Variants in WDHD1 observed in about 807,000 individuals in gnomAD.
The protein encoded by WDHD1 is WD repeat and HMG-box DNA-binding protein 1.
Under a neutral mutation model 135.4 loss-of-function variants are expected in WDHD1, and 111 were observed. That is an observed-to-expected ratio of 0.82 (90% CI 0.70 to 0.96). The LOEUF (loss-of-function observed/expected upper bound fraction) is 0.96, where lower values mean the gene tolerates loss of function less well. WDHD1 is among the 40% of genes least tolerant of loss of function. The pLI, the probability that WDHD1 is intolerant of heterozygous loss-of-function variation, is 0.00. For missense variants in WDHD1, 1,351 were observed against 1,336.3 expected, an observed-to-expected ratio of 1.01 and a Z score of -0.17; for synonymous variants, 434 against 439.0, an observed-to-expected ratio of 0.99 and a Z score of 0.14.
At chr14:54,980,260 CCTGAAGTGAGA>C (rs997692872) in intron 16 of WDHD1, among the ~76,000 whole-genome samples, 4 of 151,614 alleles carry the variant, frequency 2.6e-5, no homozygotes, top group African/African-American at 9.7e-5. Flanking sequence ...CTGAAGTGAG[CCTGAAGTGAGA>C]CATAATCGGG....
intron 10 of WDHD1, among the ~76,000 whole-genome samples, chr14:55,000,039 C>A (rs888601974): frequency 6.6e-6 from 1 of 152,112 alleles, no homozygotes; most frequent in Non-Finnish European, 1.5e-5. Flanking sequence ...CAATCTGTAA[C>A]CAGAAGTCTA....
chr14:54,998,457 G>C (rs535474765), intron 10 of WDHD1, among the ~76,000 whole-genome samples: 2 of 151,984 alleles, frequency 1.3e-5, no homozygotes, highest in South Asian at 4.2e-4. Context: ...TTCACTTTTT[G>C]TTTTTACCAA....
chr14:54,987,079 A>G (rs1164650667), intron 14 of WDHD1, 67 bp downstream of exon 14: 3 of 1,580,314 alleles, frequency 1.9e-6, no homozygotes, highest in Non-Finnish European at 2.6e-6. Flanking sequence ...AAGAGTAACA[A>G]AAACAGCAAA....
chr14:55,006,450 T>G (rs1239828134), intron 7 of WDHD1, among the ~76,000 whole-genome samples: 1 of 152,238 alleles, frequency 6.6e-6, no homozygotes, highest in Non-Finnish European at 1.5e-5. Flanking sequence ...AATCCTGTAT[T>G]TGTATAACAA....
intron 8 of WDHD1, among the ~76,000 whole-genome samples, chr14:55,001,869 T>C (rs1295774020): frequency 6.6e-6 from 1 of 152,226 alleles, no homozygotes; most frequent in African/African-American, 2.4e-5. Flanking sequence ...AACAACTTGT[T>C]CTAATACTAT....
chr14:54,959,888 C>T (rs191144859), intron 21 of WDHD1, among the ~76,000 whole-genome samples: 20 of 152,244 alleles, frequency 1.3e-4, no homozygotes, highest in African/African-American at 4.6e-4. Context: ...AAAAGTTTCC[C>T]CTTTTGTCTC....
chr14:54,964,635 T>C (rs1038772447), intron 18 of WDHD1, among the ~76,000 whole-genome samples: 3 of 151,074 alleles, frequency 2.0e-5, no homozygotes, highest in African/African-American at 7.3e-5. Flanking sequence ...CGAGACTTCG[T>C]TTCAAAAAAA....
chr14:54,991,172 T>G, intron 12 of WDHD1, 41 bp downstream of exon 12: 1 of 1,171,530 alleles, frequency 8.5e-7, no homozygotes, highest in South Asian at 1.5e-5. Context: ...AAAAAAGTGC[T>G]GAAAACCTAC....
intron 24 of WDHD1, among the ~76,000 whole-genome samples, chr14:54,949,092 C>A (rs1357056961): frequency 6.6e-6 from 1 of 152,134 alleles, no homozygotes; most frequent in Non-Finnish European, 1.5e-5. Flanking sequence ...AAAATCAGAG[C>A]ACCTCTCCCC....
Position 54,957,067 on chromosome 14 carries a change from T to C in WDHD1, c.2883A>G (p.Ile961Met), listed in dbSNP as rs2041171620. Residue 961 changes from isoleucine to methionine, a missense_variant, in exon 23 of 26, where the codon ATA (isoleucine) becomes ATG (methionine). Ile to Met is a conservative substitution (Grantham distance 10). Coordinates refer to ENST00000360586, the MANE Select transcript of WDHD1 (RefSeq NM_007086.4). ...RTTNNEKSPI[I>M]KPLIPKPKPK... ...GCTTCGGCTTTGGAATCAGAGGCTTTATAATGGGAGACTTTTCATTATTTG... is the reference window on the plus strand; with the variant it reads ...GCTTCGGCTTTGGAATCAGAGGCTTCATAATGGGAGACTTTTCATTATTTG... 16 of 1,614,142 alleles carry C rather than the reference T, an allele frequency of 9.9e-6. No individual in the cohort carries two copies. Among genetic ancestry groups the C allele is most frequent in the Non-Finnish European group, 1.2e-5 (14 of 1,180,008 alleles).
intron 21 of WDHD1, among the ~76,000 whole-genome samples, chr14:54,960,880 C>T (rs1367487951): frequency 6.6e-6 from 1 of 152,106 alleles, no homozygotes; most frequent in Non-Finnish European, 1.5e-5. Context: ...GCCTACTGCA[C>T]CCTCGAACTC....
chr14:54,966,343 C>CAAA, intron 18 of WDHD1, 132 bp downstream of exon 18: 1 of 1,155,654 alleles, frequency 8.7e-7, no homozygotes, highest in Non-Finnish European at 1.1e-6. Flanking sequence ...GCACAAAAAA[C>CAAA]AACAACAACA....
At chr14:54,991,008 T>TC (rs2140202222) in intron 12 of WDHD1, among the ~76,000 whole-genome samples, 1 of 152,364 alleles carries the variant, frequency 6.6e-6, no homozygotes, top group East Asian at 1.9e-4. Context: ...GAATTTTATT[T>TC]AACATCATTT....
intron 16 of WDHD1, among the ~76,000 whole-genome samples, chr14:54,973,690 C>CAT (rs1184488798): frequency 6.6e-6 from 1 of 152,078 alleles, no homozygotes; most frequent in Non-Finnish European, 1.5e-5. Flanking sequence ...AGTCCAGGTA[C>CAT]ATATATATGT....
chr14:54,941,792 G>T, intron 25 of WDHD1, 102 bp from the exon 26 acceptor site: 2 of 1,032,740 alleles, frequency 1.9e-6, no homozygotes, highest in Non-Finnish European at 1.4e-6. Context: ...TATATATAAA[G>T]CAGAATAATT....
At chr14:54,983,154 ACT>A (rs1458664423) in intron 15 of WDHD1, among the ~76,000 whole-genome samples, 2 of 152,150 alleles carry the variant, frequency 1.3e-5, no homozygotes, top group East Asian at 3.9e-4. Context: ...ACAGAGTGAG[ACT>A]CTGCGTCAAA....
At chr14:55,018,729 A>G (rs1464524038) in intron 2 of WDHD1, among the ~76,000 whole-genome samples, 10 of 152,354 alleles carry the variant, frequency 6.6e-5, no homozygotes, top group African/African-American at 2.2e-4. Context: ...CCTGCCAAGT[A>G]CCTTAGAACC....
At chr14:55,019,617 C>G (rs974385499) in intron 2 of WDHD1, among the ~76,000 whole-genome samples, 1 of 152,086 alleles carries the variant, frequency 6.6e-6, no homozygotes, top group East Asian at 1.9e-4. Flanking sequence ...GCCTGTAACC[C>G]CAGCACTTTG....
In WDHD1 at chr14:54,987,346, T is replaced by C; in HGVS notation, c.1568A>G (p.Lys523Arg). 2 of 1,614,014 alleles carry C rather than the reference T, an allele frequency of 1.2e-6. No individual in the cohort carries two copies. The highest frequency in any genetic ancestry group is 1.7e-6 in the Non-Finnish European group (2 of 1,179,984). The change falls in exon 14 of 26, where the codon AAA (lysine) becomes AGA (arginine). Residue 523 changes from lysine to arginine, a missense_variant. This residue lies in a region of WDHD1 where 1,330 missense variants were observed against 1,296.1 expected (regional missense o/e 1.03). Transcript: ENST00000360586. ...CLHFSSWDSS[K>R]EWIIDLPQNE... The stretch of plus-strand genomic sequence containing the variant: ...CTGAGGCAAGTCTATTATCCACTCT[T>C]TGCTTGAATCCCAAGAACTAAAGTG...
Sources: allele counts gnomAD v4.1 joint callset (sites outside exome capture counted in the v4.1 genomes callset), GRCh38; gene constraint gnomAD v4.1.1; regional missense constraint gnomAD v4.1.1; transcripts MANE v1.5; gene names NCBI Gene and HGNC (gene_info 2026-07-23, HGNC 2026-07-21).